Variants in ERC1 observed in about 807,000 individuals in gnomAD.
ERC1 encodes the protein RAB6 interacting protein 2.
Under a neutral mutation model 132.0 loss-of-function variants are expected in ERC1, and 56 were observed. That is an observed-to-expected ratio of 0.42 (90% CI 0.34 to 0.53). The LOEUF (loss-of-function observed/expected upper bound fraction) is 0.53. Ranked by LOEUF, ERC1 falls within the 20% of genes least tolerant of loss-of-function variation. The pLI, the probability that ERC1 is intolerant of heterozygous loss-of-function variation, is 0.03. For synonymous variants in ERC1, 478 were observed against 476.1 expected (o/e 1.00, Z -0.05); for missense variants, 1,202 against 1,349.9 (o/e 0.89, Z 1.72).
chr12:1,369,397 T>C (rs558252714), intron 15 of ERC1, among the ~76,000 whole-genome samples: 1 of 152,344 alleles, frequency 6.6e-6, no homozygotes, highest in Admixed American at 6.5e-5. Flanking sequence ...AGGCCTCAAG[T>C]CTGATCGCCT....
intron 15 of ERC1, among the ~76,000 whole-genome samples, chr12:1,355,290 A>AT (rs1185187745): frequency 6.6e-6 from 1 of 152,190 alleles, no homozygotes; most frequent in African/African-American, 2.4e-5. Context: ...GTTATATGCT[A>AT]TATTATTTGG....
intron 15 of ERC1, among the ~76,000 whole-genome samples, chr12:1,300,496 G>T (rs544456156): frequency 1.9e-4 from 29 of 152,160 alleles, no homozygotes; most frequent in African/African-American, 6.7e-4. Flanking sequence ...GACAGCAAAA[G>T]AAACTACCAA....
At chr12:1,447,856 C>T (rs1230674018) in intron 18 of ERC1, among the ~76,000 whole-genome samples, 1 of 152,034 alleles carries the variant, frequency 6.6e-6, no homozygotes, top group Non-Finnish European at 1.5e-5. Context: ...CACCATGTTG[C>T]CCAGTCTGGT....
intron 18 of ERC1, among the ~76,000 whole-genome samples, chr12:1,475,733 T>C (rs966125604): frequency 6.6e-6 from 1 of 152,196 alleles, no homozygotes; most frequent in Admixed American, 6.5e-5. Flanking sequence ...TCCAGCCTAT[T>C]TTAGAAAGAT....
intron 3 of ERC1, among the ~76,000 whole-genome samples, chr12:1,091,354 T>A (rs1943195854): frequency 6.6e-6 from 1 of 152,216 alleles, no homozygotes; most frequent in Non-Finnish European, 1.5e-5. Context: ...TAGGTACCCT[T>A]TCAGTGGAGA....
intron 1 of ERC1, among the ~76,000 whole-genome samples, chr12:1,009,715 G>GT (rs1326754821): frequency 6.6e-6 from 1 of 152,048 alleles, no homozygotes; most frequent in African/African-American, 2.4e-5. Flanking sequence ...AGTTATACAT[G>GT]TTAATTATAA....
intron 18 of ERC1, among the ~76,000 whole-genome samples, chr12:1,460,835 T>G (rs2093629476): frequency 6.6e-6 from 1 of 150,782 alleles, no homozygotes; most frequent in Admixed American, 6.6e-5. Context: ...TAACTTGAAC[T>G]CCATAAAAAA....
intron 18 of ERC1, among the ~76,000 whole-genome samples, chr12:1,453,398 C>A (rs1394527725): frequency 6.6e-6 from 1 of 152,136 alleles, no homozygotes; most frequent in Non-Finnish European, 1.5e-5. Flanking sequence ...GAATAGAGGC[C>A]ATGAAGGTTG....
chr12:1,183,320 G>A lies in ERC1; in HGVS notation c.2056G>A (p.Ala686Thr). The A allele has an allele frequency of 1.3e-6, 2 of 1,577,830 alleles. No individual in the cohort carries two copies. The highest frequency in any genetic ancestry group is 1.7e-4 in the Middle Eastern group (1 of 5,888). Residue 686 changes from alanine (A) to threonine (T), a missense_variant, in exon 11 of 19, where the codon GCA becomes ACA. Physicochemically the swap from Ala to Thr is moderately conservative, Grantham distance 58 (BLOSUM62 0). Coordinates refer to ENST00000360905, the MANE Select transcript of ERC1 (RefSeq NM_178040.4). ...LDLKEHASSL[A>T]SSGLKKDSRL... Reference sequence around the variant, plus strand: ...TCTGAAAGAGCATGCTTCTTCTCTGGCATCCTCAGGACTGAAAAAGGACTC... The same window carrying A: ...TCTGAAAGAGCATGCTTCTTCTCTGACATCCTCAGGACTGAAAAAGGACTC...
At chr12:1,288,008 A>G (rs2079154045) in intron 14 of ERC1, among the ~76,000 whole-genome samples, 2 of 152,372 alleles carry the variant, frequency 1.3e-5, no homozygotes, top group African/African-American at 2.4e-5. Flanking sequence ...AAAAGGAGCC[A>G]GAATAGCCAA....
chr12:1,280,834 C>T (rs185651120), intron 14 of ERC1, among the ~76,000 whole-genome samples: 76 of 152,334 alleles, frequency 5.0e-4, no homozygotes, highest in Non-Finnish European at 7.3e-5. Flanking sequence ...AAAATCCCAT[C>T]CTTTTACTTT....
intron 6 of ERC1, 106 bp from the exon 7 acceptor site, chr12:1,115,760 G>A (rs543402414): frequency 8.2e-6 from 8 of 980,440 alleles, no homozygotes; most frequent in South Asian, 1.8e-5. Flanking sequence ...CACACAGTTC[G>A]TGCTGCATTT....
chr12:1,125,080 C>T (rs1458598635), intron 7 of ERC1, among the ~76,000 whole-genome samples: 1 of 151,984 alleles, frequency 6.6e-6, no homozygotes, highest in East Asian at 1.9e-4. Context: ...CTGCAACCTC[C>T]ACCTCTCAAG....
chr12:1,338,145 T>A (rs937547930), intron 15 of ERC1, among the ~76,000 whole-genome samples: 3 of 152,210 alleles, frequency 2.0e-5, no homozygotes, highest in Admixed American at 6.5e-5. Flanking sequence ...TTGCTTACGC[T>A]CTCCCCATCT....
chr12:1,014,073 C>T (rs1379991005), intron 1 of ERC1, among the ~76,000 whole-genome samples: 1 of 151,074 alleles, frequency 6.6e-6, no homozygotes, highest in East Asian at 1.9e-4. Context: ...AGCAATCTGT[C>T]TATGCCTAGC....
At chr12:1,135,528 G>A (rs1231067073) in intron 7 of ERC1, among the ~76,000 whole-genome samples, 1 of 152,202 alleles carries the variant, frequency 6.6e-6, no homozygotes, top group African/African-American at 2.4e-5. Context: ...CTCAGAATGT[G>A]ACCATATTTG....
chr12:1,241,011 G>A (rs1328917970), intron 13 of ERC1, among the ~76,000 whole-genome samples: 1 of 152,056 alleles, frequency 6.6e-6, no homozygotes, highest in African/African-American at 2.4e-5. Context: ...TTTTCACAGA[G>A]CAAATTTGTA....
intron 16 of ERC1, among the ~76,000 whole-genome samples, chr12:1,378,255 T>G (rs10773940): frequency 0.41 from 61,676 of 151,744 alleles, 13,785 homozygotes; most frequent in African/African-American, 0.59. Context: ...CCCTGACCGC[T>G]CCCCGTTGGA....
intron 15 of ERC1, among the ~76,000 whole-genome samples, chr12:1,364,379 A>G (rs2154371835): frequency 6.6e-6 from 1 of 152,292 alleles, no homozygotes; most frequent in Middle Eastern, 3.4e-3. Flanking sequence ...TACGTACAAA[A>G]TCAAATCACT....
Sources: allele counts gnomAD v4.1 joint callset (sites outside exome capture counted in the v4.1 genomes callset), GRCh38; gene constraint gnomAD v4.1.1; transcripts MANE v1.5; gene names NCBI Gene and HGNC (gene_info 2026-07-23, HGNC 2026-07-21).